The following CAPZA2 variants were observed in gnomAD, a reference collection of about 807,000 sequenced individuals.
CAPZA2 encodes capping actin protein of muscle Z-line subunit alpha 2.
In CAPZA2, 13 loss-of-function variants were observed where a neutral mutation model predicts 44.0. That is an observed-to-expected ratio of 0.30 (90% CI 0.19 to 0.47). The LOEUF is 0.47. Among genes scored for constraint, CAPZA2 ranks in the 20% least tolerant of loss-of-function variants. The probability of loss-of-function intolerance (pLI) is 1.00; values close to 1 mark genes in which losing one functional copy is unlikely to be tolerated. For synonymous variants in CAPZA2, 94 were observed against 108.2 expected, an observed-to-expected ratio of 0.87 and a Z score of 0.81; for missense variants, 244 against 338.6, an observed-to-expected ratio of 0.72 and a Z score of 2.19.
At chr7:116,882,725 TA>T (rs1796717267) in intron 1 of CAPZA2, among the ~76,000 whole-genome samples, 2 of 152,228 alleles carry the variant, frequency 1.3e-5, no homozygotes, top group African/African-American at 4.8e-5. Flanking sequence ...TTTTTTATGT[TA>T]TATTTGTTAC....
chr7:116,909,488 A>G (rs1331559098), intron 6 of CAPZA2, among the ~76,000 whole-genome samples: 1 of 152,188 alleles, frequency 6.6e-6, no homozygotes, highest in Non-Finnish European at 1.5e-5. Context: ...GTTTCAAACC[A>G]TGAATATGTA....
chr7:116,889,121 C>T (rs908285079), intron 2 of CAPZA2, among the ~76,000 whole-genome samples: 6 of 152,150 alleles, frequency 3.9e-5, no homozygotes, highest in African/African-American at 1.4e-4. Flanking sequence ...ATTTAAACTG[C>T]TGTAAAGTCT....
At position 116,890,442 on chromosome 7, in the gene CAPZA2, C is replaced by T. The variant is rs112843861; in HGVS notation, c.103+2252C>T. On this transcript the variant is annotated intron_variant, in intron 2 of 9. Transcript: ENST00000361183. Reference sequence around the variant, plus strand: ...TGCCAGCGCTTTGGGAGGCCAAGCCCGGTGGATCACCTGAGATCAGGAGTT... The same window carrying T: ...TGCCAGCGCTTTGGGAGGCCAAGCCTGGTGGATCACCTGAGATCAGGAGTT... 4.5e-4 allele frequency among the ~76,000 whole-genome samples: 66 copies of T among 146,556 alleles called. 1 individual carries two copies. The highest frequency in any genetic ancestry group is 6.6e-4 in the Non-Finnish European group (44 of 66,912).
At chr7:116,913,409 C>G (rs576194102) in intron 8 of CAPZA2, among the ~76,000 whole-genome samples, 46 of 152,180 alleles carry the variant, frequency 3.0e-4, no homozygotes, top group Non-Finnish European at 8.8e-5. Flanking sequence ...ACATTTAGGT[C>G]TATGATCTTC....
In CAPZA2 at chr7:116,882,504, A is replaced by G. The variant is rs188603384; in HGVS notation, c.40-5623A>G. Reference sequence around the variant, plus strand: ...TTTTTTTTTACAAAAAAGTAAGCCCATAAGAAAAACAAGATACGAAAAAAT... The same window carrying G: ...TTTTTTTTTACAAAAAAGTAAGCCCGTAAGAAAAACAAGATACGAAAAAAT... On this transcript the variant is annotated intron_variant, in intron 1 of 9. Transcript: ENST00000361183. 7.1e-4 allele frequency among the ~76,000 whole-genome samples: 108 copies of G among 152,134 alleles called. No individual in the cohort carries two copies. The Middle Eastern group carries it at 0.017, about 24-fold the overall frequency.
intron 5 of CAPZA2, among the ~76,000 whole-genome samples, chr7:116,905,158 G>GA (rs1278130641): frequency 2.0e-5 from 3 of 148,756 alleles, no homozygotes; most frequent in East Asian, 2.0e-4. Flanking sequence ...AAAAAGAAAA[G>GA]AAAAAAAAGA....
chr7:116,865,523 C>T (rs1222748371), intron 1 of CAPZA2, among the ~76,000 whole-genome samples: 2 of 151,990 alleles, frequency 1.3e-5, no homozygotes, highest in Non-Finnish European at 2.9e-5. Context: ...ATAAGAACCT[C>T]TTCTGGTTTT....
At chr7:116,886,795 A>G (rs1796766572) in intron 1 of CAPZA2, among the ~76,000 whole-genome samples, 1 of 152,242 alleles carries the variant, frequency 6.6e-6, no homozygotes, top group Non-Finnish European at 1.5e-5. Flanking sequence ...TTTCAGGGAC[A>G]CTACCTCAGC....
chr7:116,899,030 A>G (rs1025917152), intron 4 of CAPZA2, among the ~76,000 whole-genome samples, 195 bp downstream of exon 4: 3 of 152,072 alleles, frequency 2.0e-5, no homozygotes, highest in Non-Finnish European at 4.4e-5. Flanking sequence ...CCTTTTAGAA[A>G]TACTCAGATG....
At chr7:116,869,942 T>C (rs1470110502) in intron 1 of CAPZA2, among the ~76,000 whole-genome samples, 1 of 152,198 alleles carries the variant, frequency 6.6e-6, no homozygotes, top group African/African-American at 2.4e-5. Flanking sequence ...CAATCTCGGC[T>C]CACTGCAACC....
intron 1 of CAPZA2, chr7:116,876,318 T>G (rs1329127791): frequency 6.6e-6 from 1 of 152,122 alleles, no homozygotes; most frequent in Non-Finnish European, 1.5e-5. Context: ...AGGGCTCAGT[T>G]TCTAATGTTT....
intron 6 of CAPZA2, 52 bp downstream of exon 6, chr7:116,906,394 G>A (rs1791510986): frequency 6.3e-7 from 1 of 1,588,704 alleles, no homozygotes; most frequent in African/African-American, 1.4e-5. Context: ...TTAAGTCTTT[G>A]TAGTTCTTGC....
rs1207639171 is a variant in CAPZA2 at position 116,921,392 on chromosome 7, AAAG to A, written c.*3526_*3528del. 1 of 151,764 alleles carries A rather than the reference AAAG, an allele frequency of 6.6e-6. No individual in the cohort carries two copies. Among genetic ancestry groups the A allele is most frequent in the Non-Finnish European group, 1.5e-5 (1 of 68,084 alleles). 9.4% of individuals were successfully genotyped at this position (151,764 alleles called of 1,614,324 possible). ...CGAGACTCTGTCCCAAAAAAAAAAA[AAAG>A]TGGTGGGCTGGCCACGATGGCTCAC... On this transcript the variant is annotated 3_prime_UTR_variant, in exon 10 of 10. Coordinates refer to ENST00000361183, the MANE Select transcript of CAPZA2 (RefSeq NM_006136.3).
chr7:116,899,100 G>A (rs1258493593), intron 4 of CAPZA2, among the ~76,000 whole-genome samples: 1 of 151,290 alleles, frequency 6.6e-6, no homozygotes, highest in Non-Finnish European at 1.5e-5. Context: ...TTTTTTTCTG[G>A]GAAAAAAATC....
chr7:116,904,241 G>T lies in CAPZA2; in HGVS notation c.284G>T (p.Cys95Phe), dbSNP rs1211089614. Residue 95 changes from cysteine (C) to phenylalanine (F), a missense_variant, in exon 5 of 10, where the codon TGT becomes TTT. Physicochemically the swap from Cys to Phe is radical, Grantham distance 205 (BLOSUM62 -2). Transcript: ENST00000361183. ...TTTTTGGATCCAAAGAACAGAATCT[G>T]TTTTAAATTTGATCACTTAAGGAAG... The part of the protein sequence containing the change: ...GKFLDPKNRI[C>F]FKFDHLRKEA... 3 of 1,613,812 alleles carry T rather than the reference G, an allele frequency of 1.9e-6. No homozygotes were observed. The highest frequency in any genetic ancestry group is 2.5e-6 in the Non-Finnish European group (3 of 1,179,892).
chr7:116,889,766 T>C (rs751939821), intron 2 of CAPZA2, among the ~76,000 whole-genome samples: 1 of 152,182 alleles, frequency 6.6e-6, no homozygotes, highest in Non-Finnish European at 1.5e-5. Flanking sequence ...ACTACTGAGC[T>C]GTACTTAGAA....
chr7:116,862,597 G>A lies in CAPZA2; in HGVS notation c.-15G>A, dbSNP rs764248285. 4.0e-5 allele frequency: 61 copies of A among 1,537,548 alleles called. No individual in the cohort carries two copies. In the South Asian group the frequency reaches 4.6e-4, roughly 12 times the overall value. On this transcript the variant is annotated 5_prime_UTR_variant, in exon 1 of 10. Transcript: ENST00000361183. ...GCTGCCGCCGCCGCCGCCGCGGTTT[G>A]TCGCCAGAAGGAAGATGGCGGATCT...
At chr7:116,863,241 C>G (rs1796441289) in intron 1 of CAPZA2, among the ~76,000 whole-genome samples, 1 of 152,208 alleles carries the variant, frequency 6.6e-6, no homozygotes, top group Non-Finnish European at 1.5e-5. Flanking sequence ...GGAGGCATCT[C>G]TCCCTCCTTC....
rs1185198277 is a variant in CAPZA2, at chr7:116,918,841, T to C, written c.*974T>C. 6.6e-6 allele frequency: 1 copy of C among 152,188 alleles called. No individual in the cohort carries two copies. The highest frequency in any genetic ancestry group is 1.9e-4 in the East Asian group (1 of 5,198). 9.4% of individuals were successfully genotyped at this position (152,188 alleles called of 1,614,324 possible). On this transcript the variant is annotated 3_prime_UTR_variant, in exon 10 of 10. Transcript: ENST00000361183. ...AAATTAGAAAAGCTGGGATTACATA[T>C]GGTGTGCGGTTACAGTCTAAATTTT...
Sources: allele counts gnomAD v4.1 joint callset (sites outside exome capture counted in the v4.1 genomes callset), GRCh38; gene constraint gnomAD v4.1.1; transcripts MANE v1.5; gene names NCBI Gene and HGNC (gene_info 2026-07-23, HGNC 2026-07-21).